HHLA2: variants seen among roughly 807,000 people sequenced by gnomAD.
HHLA2 encodes the protein HHLA2 member of B7 family.
In HHLA2, 48 loss-of-function variants were observed where a neutral mutation model predicts 45.9. The observed-to-expected ratio is 1.05, with a 90% CI of 0.83 to 1.33. The LOEUF (loss-of-function observed/expected upper bound fraction) is 1.33. Ranked by LOEUF, HHLA2 falls within the 40% of genes most tolerant of loss-of-function variation. The pLI is 0.00. For synonymous variants in HHLA2, 161 were observed against 173.9 expected (o/e 0.93, Z 0.59); for missense variants, 462 against 494.3 (o/e 0.93, Z 0.62).
intron 8 of HHLA2, among the ~76,000 whole-genome samples, chr3:108,367,809 C>A (rs1308034845): frequency 6.6e-6 from 1 of 152,074 alleles, no homozygotes; most frequent in East Asian, 1.9e-4. Flanking sequence ...GAGAACTTCT[C>A]CAACCTAGCA....
At chr3:108,313,781 T>C (rs1178849943) in intron 2 of HHLA2, among the ~76,000 whole-genome samples, 2 of 152,202 alleles carry the variant, frequency 1.3e-5, no homozygotes, top group East Asian at 3.8e-4. Context: ...GAGTAAGGTC[T>C]GACTCTTTGC....
chr3:108,375,853 C>A lies in HHLA2; in HGVS notation c.1159+53C>A. ...TGGATTCTGGTTCTGGAGGAGCAGT[C>A]AAAAGATATCGGCAAAAACTCTGTC... On this transcript the variant is annotated intron_variant, in intron 9 of 10. Coordinates refer to ENST00000619531, the Ensembl canonical transcript of HHLA2. The A allele has an allele frequency of 1.9e-6, 3 of 1,591,528 alleles. No individual in the cohort carries two copies. The South Asian group carries it at 3.4e-5, about 18-fold the overall frequency.
chr3:108,338,165 T>A (rs2081506701), intron 3 of HHLA2, among the ~76,000 whole-genome samples: 5 of 151,654 alleles, frequency 3.3e-5, no homozygotes, highest in Admixed American at 3.3e-4. Context: ...GTATCATATA[T>A]CATAGATATA....
intron 3 of HHLA2, among the ~76,000 whole-genome samples, chr3:108,339,968 T>G (rs1025111919): frequency 3.3e-5 from 5 of 151,780 alleles, no homozygotes; most frequent in African/African-American, 1.2e-4. Flanking sequence ...GAGCATGGAG[T>G]GAGGAGTGGC....
chr3:108,347,135 A>G (rs1203960785), intron 3 of HHLA2, among the ~76,000 whole-genome samples: 6 of 152,182 alleles, frequency 3.9e-5, no homozygotes, highest in African/African-American at 1.4e-4. Context: ...TTTTGGGGAA[A>G]AAAATAAGTG....
At chr3:108,327,027 G>A (rs1394685022) in intron 2 of HHLA2, among the ~76,000 whole-genome samples, 2 of 152,104 alleles carry the variant, frequency 1.3e-5, no homozygotes, top group African/African-American at 2.4e-5. Context: ...TATGTTTTCT[G>A]TGTCTGAGAA....
intron 2 of HHLA2, among the ~76,000 whole-genome samples, chr3:108,313,242 T>C (rs1405416475): frequency 6.6e-6 from 1 of 152,184 alleles, no homozygotes; most frequent in Non-Finnish European, 1.5e-5. Context: ...CAATTCTTTA[T>C]TTTGGAAAAA....
chr3:108,371,282 A>AT (rs1287722681), intron 8 of HHLA2, among the ~76,000 whole-genome samples: 1 of 152,206 alleles, frequency 6.6e-6, no homozygotes, highest in Non-Finnish European at 1.5e-5. Flanking sequence ...ATGCTGAGAG[A>AT]TTTTGTCACC....
intron 3 of HHLA2, among the ~76,000 whole-genome samples, chr3:108,338,926 C>T (rs1453938837): frequency 6.6e-6 from 1 of 152,196 alleles, no homozygotes; most frequent in Non-Finnish European, 1.5e-5. Flanking sequence ...AGATGTATTA[C>T]ATATTCAAAT....
At chr3:108,341,278 A>G (rs962861101) in intron 3 of HHLA2, among the ~76,000 whole-genome samples, 2 of 152,164 alleles carry the variant, frequency 1.3e-5, no homozygotes, top group Non-Finnish European at 2.9e-5. Flanking sequence ...GTATAAAAGA[A>G]AATTCCCACA....
At chr3:108,305,171 G>A (rs1203638642) in intron 1 of HHLA2, among the ~76,000 whole-genome samples, 2 of 151,578 alleles carry the variant, frequency 1.3e-5, no homozygotes, top group Non-Finnish European at 2.9e-5. Flanking sequence ...CTTTTAGCCT[G>A]GGTTTTCTAG....
intron 2 of HHLA2, among the ~76,000 whole-genome samples, chr3:108,325,108 A>G (rs1279110188): frequency 3.3e-5 from 5 of 151,920 alleles, no homozygotes; most frequent in Non-Finnish European, 5.9e-5. Context: ...TGTTTTATTT[A>G]TGTTTAAAAT....
chr3:108,375,377 TA>T (rs952733592), intron 8 of HHLA2, among the ~76,000 whole-genome samples: 3 of 151,688 alleles, frequency 2.0e-5, no homozygotes, highest in Non-Finnish European at 4.4e-5. Flanking sequence ...TACCTAATGC[TA>T]AATGATGATT....
chr3:108,317,045 A>C (rs1374179245), intron 2 of HHLA2, among the ~76,000 whole-genome samples: 4 of 152,210 alleles, frequency 2.6e-5, no homozygotes, highest in Non-Finnish European at 5.9e-5. Flanking sequence ...CAGATTGAAC[A>C]GTGTACTAGG....
intron 3 of HHLA2, among the ~76,000 whole-genome samples, chr3:108,345,842 A>G (rs1017300374): frequency 6.6e-6 from 1 of 152,208 alleles, no homozygotes; most frequent in East Asian, 1.9e-4. Context: ...CATAGGAGCT[A>G]ATGCCAATGG....
chr3:108,337,522 G>A (rs138189154), intron 3 of HHLA2, among the ~76,000 whole-genome samples: 10 of 152,096 alleles, frequency 6.6e-5, no homozygotes, highest in African/African-American at 1.7e-4. Context: ...TGTTTGTACC[G>A]TCAAAGTTGA....
chr3:108,363,975 CT>C (rs56827543), intron 8 of HHLA2, among the ~76,000 whole-genome samples: 12,538 of 52,558 alleles, frequency 0.24, 707 homozygotes, highest in African/African-American at 0.3. Context: ...TGACTTACTT[CT>C]TTTTTTTTTT....
intron 1 of HHLA2, among the ~76,000 whole-genome samples, chr3:108,297,815 C>A (rs1231509163): frequency 6.6e-6 from 1 of 152,148 alleles, no homozygotes; most frequent in Admixed American, 6.5e-5. Context: ...TAAAATAGAC[C>A]ATAGCTTAAT....
At chr3:108,358,204 A>G (rs936082245) in intron 7 of HHLA2, 43 bp downstream of exon 6, 1 of 1,412,836 alleles carries the variant, frequency 7.1e-7, no homozygotes, top group Admixed American at 2.1e-5. Context: ...TGGCTGTAGC[A>G]TTAGAGGTTT....
Sources: gnomAD v4.1 joint callset for allele counts (sites outside exome capture counted in the v4.1 genomes callset) on GRCh38, gnomAD v4.1.1 for gene constraint, MANE v1.5 for transcripts, NCBI Gene and HGNC (gene_info 2026-07-23, HGNC 2026-07-21) for gene names.